Variants in SPATA17 observed in about 807,000 individuals in gnomAD.
SPATA17 encodes the protein spermatogenesis-associated protein 17.
A neutral mutation model predicts 62.2 loss-of-function variants in SPATA17; 53 were observed. The ratio of observed to expected loss-of-function variants is 0.85; its 90% CI spans 0.68 to 1.07. SPATA17 has a LOEUF of 1.07. Ranked by LOEUF, SPATA17 falls within the 50% of genes least tolerant of loss-of-function variation. The pLI, the probability that SPATA17 is intolerant of heterozygous loss-of-function variation, is 0.00. For missense variants in SPATA17, 466 were observed against 425.5 expected, an observed-to-expected ratio of 1.10 and a Z score of -0.84; for synonymous variants, 146 against 146.8, an observed-to-expected ratio of 0.99 and a Z score of 0.04.
intron 10 of SPATA17, among the ~76,000 whole-genome samples, chr1:217,863,554 A>G (rs1675940917): frequency 6.6e-6 from 1 of 152,190 alleles, no homozygotes; most frequent in Non-Finnish European, 1.5e-5. Context: ...CAAATATTAT[A>G]CTAAATAATG....
intron 6 of SPATA17, among the ~76,000 whole-genome samples, chr1:217,743,341 T>C (rs1672669601): frequency 6.6e-6 from 1 of 152,152 alleles, no homozygotes; most frequent in African/African-American, 2.4e-5. Context: ...CATTTTTATA[T>C]AGAATTTCAA....
intron 6 of SPATA17, among the ~76,000 whole-genome samples, chr1:217,770,019 A>G (rs1192800307): frequency 3.9e-5 from 6 of 152,230 alleles, no homozygotes; most frequent in Admixed American, 3.9e-4. Context: ...ATTATGATGA[A>G]GTACATTGGT....
At chr1:217,813,797 G>C (rs1176287430) in intron 9 of SPATA17, among the ~76,000 whole-genome samples, 9 of 151,904 alleles carry the variant, frequency 5.9e-5, no homozygotes, top group Non-Finnish European at 1.5e-5. Context: ...TAAATCTATA[G>C]ATGCATTTGT....
intron 8 of SPATA17, among the ~76,000 whole-genome samples, chr1:217,794,011 G>T (rs1012831965): frequency 6.6e-6 from 1 of 151,732 alleles, no homozygotes; most frequent in Admixed American, 6.6e-5. Flanking sequence ...AGCTACTCTG[G>T]AGGGTAAGGC....
At chr1:217,745,557 T>A (rs191531130) in intron 6 of SPATA17, among the ~76,000 whole-genome samples, 22 of 152,272 alleles carry the variant, frequency 1.4e-4, no homozygotes, top group African/African-American at 4.6e-4. Context: ...TCAGAACTAT[T>A]AATACAAACT....
intron 6 of SPATA17, among the ~76,000 whole-genome samples, chr1:217,771,518 T>C (rs1242897532): frequency 4.6e-5 from 7 of 152,174 alleles, no homozygotes; most frequent in African/African-American, 1.4e-4. Flanking sequence ...TTTAAAGAAA[T>C]AATAAGTAAA....
chr1:217,670,388 C>T (rs1571719908), intron 4 of SPATA17, among the ~76,000 whole-genome samples: 4 of 152,156 alleles, frequency 2.6e-5, no homozygotes, highest in Non-Finnish European at 4.4e-5. Context: ...TAGAAAGGTG[C>T]GTACTTTTGT....
intron 5 of SPATA17, among the ~76,000 whole-genome samples, chr1:217,701,106 C>T (rs1671585469): frequency 6.6e-6 from 1 of 151,406 alleles, no homozygotes; most frequent in Non-Finnish European, 1.5e-5. Flanking sequence ...TGCCGAGTAG[C>T]TGGGACTGTA....
At chr1:217,836,977 T>G (rs1675274833) in intron 9 of SPATA17, among the ~76,000 whole-genome samples, 1 of 152,116 alleles carries the variant, frequency 6.6e-6, no homozygotes, top group South Asian at 2.1e-4. Context: ...TGTTCCACTC[T>G]TTAAAAAAAT....
intron 9 of SPATA17, among the ~76,000 whole-genome samples, chr1:217,813,430 T>C (rs1674642741): frequency 6.6e-6 from 1 of 152,202 alleles, no homozygotes; most frequent in Non-Finnish European, 1.5e-5. Context: ...TGGGATAAAA[T>C]ATGCCTTTCT....
intron 8 of SPATA17, among the ~76,000 whole-genome samples, chr1:217,799,650 T>TA (rs1674255690): frequency 6.6e-6 from 1 of 152,010 alleles, no homozygotes; most frequent in African/African-American, 2.4e-5. Flanking sequence ...TATTAAGAAT[T>TA]AATTTATTAA....
chr1:217,713,727 C>T (rs958193596), intron 5 of SPATA17, among the ~76,000 whole-genome samples: 9 of 152,122 alleles, frequency 5.9e-5, no homozygotes, highest in East Asian at 3.9e-4. Context: ...AAGAAACAAA[C>T]GAAAGTGTGT....
intron 3 of SPATA17, among the ~76,000 whole-genome samples, chr1:217,662,597 A>G (rs1454702168): frequency 8.5e-5 from 13 of 152,196 alleles, no homozygotes; most frequent in Non-Finnish European, 1.5e-4. Flanking sequence ...AAAGAGGAAC[A>G]ATGAAAGTTT....
chr1:217,734,191 A>G (rs1672458204), intron 5 of SPATA17, among the ~76,000 whole-genome samples: 1 of 152,122 alleles, frequency 6.6e-6, no homozygotes, highest in African/African-American at 2.4e-5. Context: ...TTTTTATTGT[A>G]TTTTAGACTT....
chr1:217,711,175 G>A (rs1383619872), intron 5 of SPATA17, among the ~76,000 whole-genome samples: 1 of 152,134 alleles, frequency 6.6e-6, no homozygotes, highest in Non-Finnish European at 1.5e-5. Flanking sequence ...AGTGGTACAT[G>A]TACAGGTTTG....
chr1:217,701,390 A>G (rs1264318520), intron 5 of SPATA17, among the ~76,000 whole-genome samples: 2 of 145,416 alleles, frequency 1.4e-5, no homozygotes, highest in East Asian at 4.2e-4. Flanking sequence ...TTATTTATTT[A>G]TTTTTTTCTT....
intron 8 of SPATA17, among the ~76,000 whole-genome samples, chr1:217,799,037 A>G (rs1382392971): frequency 2.0e-5 from 3 of 152,130 alleles, no homozygotes; most frequent in African/African-American, 7.2e-5. Flanking sequence ...ACTATAAATC[A>G]AAGTGATTTT....
chr1:217,728,291 G>A (rs894841697), intron 5 of SPATA17, among the ~76,000 whole-genome samples: 1 of 151,950 alleles, frequency 6.6e-6, no homozygotes, highest in East Asian at 1.9e-4. Context: ...GAGCACTTAT[G>A]GTATACCAAG....
intron 4 of SPATA17, among the ~76,000 whole-genome samples, chr1:217,682,100 G>T (rs1671098633): frequency 6.6e-6 from 1 of 152,102 alleles, no homozygotes; most frequent in Non-Finnish European, 1.5e-5. Context: ...CTTTACGCAA[G>T]ACTAAGTTAG....
Sources: gnomAD v4.1 joint callset for allele counts (sites outside exome capture counted in the v4.1 genomes callset) on GRCh38, gnomAD v4.1.1 for gene constraint, MANE v1.5 for transcripts, NCBI Gene and HGNC (gene_info 2026-07-23, HGNC 2026-07-21) for gene names.